Variants in PDE12 observed in about 807,000 individuals in gnomAD.
PDE12 encodes 2',5'-phosphodiesterase 12.
In PDE12, 26 loss-of-function variants were observed where a neutral mutation model predicts 45.4. That is an observed-to-expected ratio of 0.57 (90% CI 0.42 to 0.79). PDE12 has a LOEUF of 0.79. PDE12 is among the 30% of genes least tolerant of loss of function. The probability of loss-of-function intolerance (pLI) is 0.00; values close to 1 mark genes in which losing one functional copy is unlikely to be tolerated. For synonymous variants in PDE12, 283 were observed against 323.9 expected, an observed-to-expected ratio of 0.87 and a Z score of 1.36; for missense variants, 668 against 790.0, an observed-to-expected ratio of 0.85 and a Z score of 1.85.
rs2069738658 is a variant in PDE12 at position 57,562,562 on chromosome 3, T to C, written c.*2558T>C. The C allele has an allele frequency of 6.6e-6, 1 of 152,228 alleles. No homozygotes were observed. Among genetic ancestry groups the C allele is most frequent in the Non-Finnish European group, 1.5e-5 (1 of 68,028 alleles). 9.4% of individuals were successfully genotyped at this position (152,228 alleles called of 1,614,324 possible). On this transcript the variant is annotated 3_prime_UTR_variant, in exon 3 of 3. Coordinates refer to ENST00000311180, the MANE Select transcript of PDE12 (RefSeq NM_177966.7). ...ATGTGATTGCATTTTTCTATTACAT[T>C]TGGATTTTTTAGTACATTTAATTTT...
chr3:57,606,251 T>G, the PDE12 span, among the ~76,000 whole-genome samples: 1 of 152,086 alleles, frequency 6.6e-6, no homozygotes, highest in African/African-American at 2.4e-5. Context: ...AAAAAGAGAC[T>G]TAGGAACCAT....
At chr3:57,574,337 A>C in the PDE12 span, among the ~76,000 whole-genome samples, 1 of 152,048 alleles carries the variant, frequency 6.6e-6, no homozygotes, top group Non-Finnish European at 1.5e-5. Context: ...AGCCTATGAC[A>C]CTAAGTTTCT....
the PDE12 span, chr3:57,628,982 G>A: frequency 9.4e-7 from 1 of 1,063,326 alleles, no homozygotes; most frequent in Non-Finnish European, 1.4e-6. Flanking sequence ...AAGACAAGAA[G>A]GAAAAGGAGA....
chr3:57,618,605 G>GTTTTTTTTTTTTTTT, the PDE12 span, among the ~76,000 whole-genome samples: 1 of 34,178 alleles, frequency 2.9e-5, no homozygotes, highest in East Asian at 1.6e-3. Flanking sequence ...GTTTGCTTTT[G>GTTTTTTTTTTTTTTT]TGTTTTTTTT....
chr3:57,585,687 G>A, the PDE12 span, among the ~76,000 whole-genome samples: 1,485 of 127,882 alleles, frequency 0.012, 20 homozygotes, highest in African/African-American at 0.042. Flanking sequence ...TTTTGAGACA[G>A]AGTATCACTC....
the PDE12 span, among the ~76,000 whole-genome samples, chr3:57,583,215 G>A: frequency 6.6e-6 from 1 of 152,156 alleles, no homozygotes. Flanking sequence ...TGGACTCAAT[G>A]TGTATTTTTA....
chr3:57,575,607 C>T, the PDE12 span: 1 of 1,613,692 alleles, frequency 6.2e-7, no homozygotes, highest in Non-Finnish European at 8.5e-7. Context: ...ATGGCCATAG[C>T]ATTTGGCAAA....
chr3:57,572,430 C>T, the PDE12 span: 25 of 646,444 alleles, frequency 3.9e-5, no homozygotes, highest in Non-Finnish European at 6.5e-5. Flanking sequence ...ATATTTAAAG[C>T]TACTTCTGGC....
the PDE12 span, chr3:57,626,230 C>G: frequency 6.6e-6 from 1 of 152,544 alleles, no homozygotes; most frequent in Non-Finnish European, 1.5e-5. Flanking sequence ...GGTATTAGAC[C>G]ACAGTTACAA....
the PDE12 span, chr3:57,583,752 A>G: frequency 1.5e-6 from 1 of 647,836 alleles, no homozygotes; most frequent in South Asian, 1.9e-5. Flanking sequence ...CCTAAGTGAG[A>G]GTCCACTGAA....
chr3:57,611,337 T>A, the PDE12 span, among the ~76,000 whole-genome samples: 1 of 152,050 alleles, frequency 6.6e-6, no homozygotes, highest in Non-Finnish European at 1.5e-5. Context: ...GGACTTCATG[T>A]CTAAAACACC....
the PDE12 span, among the ~76,000 whole-genome samples, chr3:57,632,593 A>G: frequency 6.6e-6 from 1 of 152,208 alleles, no homozygotes; most frequent in South Asian, 2.1e-4. Context: ...AAAATATAAC[A>G]GCAAAGATCT....
the PDE12 span, among the ~76,000 whole-genome samples, chr3:57,599,565 G>T: frequency 3.3e-5 from 5 of 152,262 alleles, no homozygotes; most frequent in East Asian, 5.8e-4. Flanking sequence ...TTTCTGTTTA[G>T]TTATGCAAAA....
At chr3:57,575,807 C>G in the PDE12 span, 1 of 990,654 alleles carries the variant, frequency 1.0e-6, no homozygotes, top group Non-Finnish European at 1.4e-6. Context: ...AAAGTTCACT[C>G]TTACAACTGA....
chr3:57,623,388 T>C, the PDE12 span, among the ~76,000 whole-genome samples: 2 of 150,144 alleles, frequency 1.3e-5, no homozygotes, highest in Admixed American at 1.3e-4. Context: ...TAAAAATTCA[T>C]TCACTTACGG....
At chr3:57,612,024 A>G in the PDE12 span, among the ~76,000 whole-genome samples, 1 of 152,138 alleles carries the variant, frequency 6.6e-6, no homozygotes. Flanking sequence ...GGATTAAGAA[A>G]ATGTGGCACA....
At position 57,559,867 on chromosome 3, in the gene PDE12, AT is replaced by A; in HGVS notation, c.1695del (p.Ile565MetfsTer3). 1.2e-6 allele frequency: 2 copies of A among 1,614,144 alleles called. No individual in the cohort carries two copies. Among genetic ancestry groups the A allele is most frequent in the Non-Finnish European group, 1.7e-6 (2 of 1,180,020 alleles). On this transcript the variant is annotated frameshift_variant, in exon 3 of 3. Coordinates refer to ENST00000311180, the MANE Select transcript of PDE12 (RefSeq NM_177966.7). LOFTEE classifies it high-confidence loss of function. ...TCATGGATGTCTAGATTACATTTTC[AT>A]TGACTTAAATGCTTTAGAGGTTGAA... is the stretch of plus-strand genomic sequence containing the variant. ...GFHGCLDYIF[I>X]DLNALEVEQV...
the PDE12 span, chr3:57,628,230 T>G: frequency 6.2e-7 from 1 of 1,613,460 alleles, no homozygotes; most frequent in Non-Finnish European, 8.5e-7. Flanking sequence ...CATGCCCGTT[T>G]TGAGCAGTAT....
At chr3:57,584,503 A>C in the PDE12 span, 1 of 1,500,336 alleles carries the variant, frequency 6.7e-7, no homozygotes, top group Non-Finnish European at 9.2e-7. Context: ...CCAGACCAAA[A>C]GCACACTCCA....
Sources: gnomAD v4.1 joint callset for allele counts (sites outside exome capture counted in the v4.1 genomes callset) on GRCh38, gnomAD v4.1.1 for gene constraint, MANE v1.5 for transcripts, NCBI Gene and HGNC (gene_info 2026-07-23, HGNC 2026-07-21) for gene names.